Variants in PPP1R9A observed in about 807,000 individuals in gnomAD.
PPP1R9A encodes the protein protein phosphatase 1 regulatory subunit 9A.
A neutral mutation model predicts 141.9 loss-of-function variants in PPP1R9A; 59 were observed. The observed-to-expected ratio is 0.42, with a 90% CI of 0.34 to 0.52. The LOEUF (loss-of-function observed/expected upper bound fraction) is 0.52, where lower values mean the gene tolerates loss of function less well. Ranked by LOEUF, PPP1R9A falls within the 20% of genes least tolerant of loss-of-function variation. The pLI is 0.10. For synonymous variants in PPP1R9A, 500 were observed against 569.7 expected (o/e 0.88, Z 1.74); for missense variants, 1,444 against 1,611.9 (o/e 0.90, Z 1.78).
chr7:95,283,552 AATTT>A (rs1804681968), intron 16 of PPP1R9A, among the ~76,000 whole-genome samples: 1 of 152,180 alleles, frequency 6.6e-6, no homozygotes, highest in Non-Finnish European at 1.5e-5. Context: ...TGAACCCTGA[AATTT>A]CAAAATTATT....
At chr7:95,165,682 C>T (rs184802876) in intron 5 of PPP1R9A, among the ~76,000 whole-genome samples, 1 of 152,066 alleles carries the variant, frequency 6.6e-6, no homozygotes, top group Admixed American at 6.5e-5. Context: ...TCCAGTTTAA[C>T]AAAAACTGAA....
chr7:95,142,410 T>A (rs1482772708), intron 4 of PPP1R9A, among the ~76,000 whole-genome samples: 1 of 152,134 alleles, frequency 6.6e-6, no homozygotes, highest in Non-Finnish European at 1.5e-5. Context: ...TCTCATATCC[T>A]AGAAGACTTT....
At chr7:95,119,821 A>G (rs902104930) in intron 3 of PPP1R9A, among the ~76,000 whole-genome samples, 3 of 152,184 alleles carry the variant, frequency 2.0e-5, no homozygotes, top group African/African-American at 4.8e-5. Flanking sequence ...GTAAGCAAAT[A>G]AGAAGGAAAA....
intron 8 of PPP1R9A, among the ~76,000 whole-genome samples, chr7:95,243,901 G>C (rs2888969): frequency 6.6e-6 from 1 of 151,794 alleles, no homozygotes; most frequent in African/African-American, 2.4e-5. Flanking sequence ...TCTAAAACCT[G>C]GCTTTGGCAC....
At chr7:95,152,689 GT>G (rs1405399471) in intron 4 of PPP1R9A, among the ~76,000 whole-genome samples, 1 of 151,898 alleles carries the variant, frequency 6.6e-6, no homozygotes, top group Admixed American at 6.6e-5. Flanking sequence ...TCTTAAAACT[GT>G]CCCTGCTAAA....
chr7:95,085,883 C>T lies in PPP1R9A; in HGVS notation c.1396-25376C>T, dbSNP rs951662475. 1.3e-4 allele frequency among the ~76,000 whole-genome samples: 20 copies of T among 151,848 alleles called. 1 individual carries two copies. The highest frequency in any genetic ancestry group is 4.9e-4 in the African/African-American group (20 of 41,228). On this transcript the variant is annotated intron_variant, in intron 2 of 19. Coordinates refer to ENST00000433360, the MANE Select transcript of PPP1R9A (RefSeq NM_001166160.2). ...TTAAAAATCTTCCTAAGACCATAAACATTTTCTTGTGTAATTTCATCTAAA... is the reference window on the plus strand; with the variant it reads ...TTAAAAATCTTCCTAAGACCATAAATATTTTCTTGTGTAATTTCATCTAAA...
At chr7:95,152,694 T>A (rs769141346) in intron 4 of PPP1R9A, among the ~76,000 whole-genome samples, 9 of 152,176 alleles carry the variant, frequency 5.9e-5, no homozygotes, top group Non-Finnish European at 1.3e-4. Flanking sequence ...AAACTGTCCC[T>A]GCTAAAATAG....
chr7:95,085,352 G>A (rs748202629), intron 2 of PPP1R9A, among the ~76,000 whole-genome samples: 5 of 151,388 alleles, frequency 3.3e-5, no homozygotes, highest in African/African-American at 4.9e-5. Flanking sequence ...CTCCCATCTC[G>A]GCCTCTCAGA....
intron 2 of PPP1R9A, among the ~76,000 whole-genome samples, chr7:94,995,063 A>G (rs926296693): frequency 3.9e-5 from 6 of 152,228 alleles, no homozygotes; most frequent in Non-Finnish European, 7.4e-5. Flanking sequence ...TGTATCTGAA[A>G]AAAAGTATTT....
chr7:95,060,229 T>C (rs984566584), intron 2 of PPP1R9A, among the ~76,000 whole-genome samples: 4 of 152,178 alleles, frequency 2.6e-5, no homozygotes, highest in African/African-American at 9.7e-5. Flanking sequence ...TCCAGGTTCT[T>C]GCCACACAGT....
At chr7:95,265,531 T>G (rs181892680) in intron 12 of PPP1R9A, among the ~76,000 whole-genome samples, 150 of 152,340 alleles carry the variant, frequency 9.8e-4, no homozygotes, top group African/African-American at 3.5e-3. Context: ...GCATAAATCT[T>G]ATACACATTT....
At chr7:95,150,928 T>A (rs1038992255) in intron 4 of PPP1R9A, among the ~76,000 whole-genome samples, 1 of 152,222 alleles carries the variant, frequency 6.6e-6, no homozygotes, top group Non-Finnish European at 1.5e-5. Flanking sequence ...AATATCATGT[T>A]ATGAGAGAAT....
At chr7:95,163,315 G>C (rs1056779415) in intron 5 of PPP1R9A, among the ~76,000 whole-genome samples, 2 of 151,978 alleles carry the variant, frequency 1.3e-5, no homozygotes, top group African/African-American at 2.4e-5. Flanking sequence ...TTCTTAACTG[G>C]TCTGTCTGTT....
At chr7:94,989,918 T>C (rs950565757) in intron 2 of PPP1R9A, among the ~76,000 whole-genome samples, 1 of 152,136 alleles carries the variant, frequency 6.6e-6, no homozygotes, top group South Asian at 2.1e-4. Context: ...AGTTGTGAAG[T>C]TTTTGAACAT....
At chr7:94,951,202 GA>G (rs924639889) in intron 2 of PPP1R9A, among the ~76,000 whole-genome samples, 14 of 149,628 alleles carry the variant, frequency 9.4e-5, no homozygotes, top group Middle Eastern at 3.4e-3. Flanking sequence ...TGTTAGAAAA[GA>G]AAAAAAAATG....
Position 94,910,409 on chromosome 7 carries a change from G to C in PPP1R9A, c.296G>C (p.Arg99Thr), listed in dbSNP as rs917364633. The change falls in exon 2 of 20, where the codon AGA (arginine) becomes ACA (threonine). Residue 99 changes from arginine to threonine, a missense_variant. Transcript: ENST00000433360. This position sits in a 1 kb window ranked among gnomAD's most constrained non-coding sequence, Gnocchi z 4.5. ...GKGGHSSPQR[R>T]MKPKEFLEKT... ...GGTGGACATTCATCTCCTCAGAGAA[G>C]AATGAAGCCCAAAGAATTTCTGGAA... The C allele has an allele frequency of 1.9e-6, 3 of 1,614,152 alleles. No homozygotes were observed. Among genetic ancestry groups the C allele is most frequent in the Non-Finnish European group, 2.5e-6 (3 of 1,180,016 alleles).
chr7:95,205,040 G>C (rs1790492243), intron 7 of PPP1R9A, among the ~76,000 whole-genome samples: 1 of 151,612 alleles, frequency 6.6e-6, no homozygotes, highest in Admixed American at 6.6e-5. Flanking sequence ...CACTCACTCT[G>C]ATCCCACGGG....
intron 7 of PPP1R9A, among the ~76,000 whole-genome samples, chr7:95,223,684 A>G (rs973352526): frequency 1.3e-5 from 2 of 152,086 alleles, no homozygotes; most frequent in African/African-American, 4.8e-5. Context: ...AACGTGCCAC[A>G]TTGTTAGGGC....
chr7:95,247,429 T>A lies in PPP1R9A; in HGVS notation c.2113-44T>A, dbSNP rs1385084179. ...GCTGCTGAGGCTTTACAAATATAGA[T>A]ACACTTTCTTAGTTCAGATTTTTTC... On this transcript the variant is annotated intron_variant, in intron 8 of 19. Coordinates refer to ENST00000433360, the MANE Select transcript of PPP1R9A (RefSeq NM_001166160.2). 3 of 1,489,648 alleles carry A rather than the reference T, an allele frequency of 2.0e-6. No homozygotes were observed. In the South Asian group the frequency reaches 3.5e-5, roughly 17 times the overall value. 92.3% of individuals were successfully genotyped at this position (1,489,648 alleles called of 1,614,324 possible). A position where few individuals can be genotyped will look rare whatever the true frequency, so the allele number is the denominator to read the frequency against.
Sources: allele counts gnomAD v4.1 joint callset (sites outside exome capture counted in the v4.1 genomes callset), GRCh38; gene constraint gnomAD v4.1.1; non-coding constraint Gnocchi (gnomAD v3.1); transcripts MANE v1.5; gene names NCBI Gene and HGNC (gene_info 2026-07-23, HGNC 2026-07-21).